ATP2C2: variants seen among roughly 807,000 people sequenced by gnomAD.
ATP2C2 encodes ATPase secretory pathway Ca2+ transporting 2.
A neutral mutation model predicts 110.8 loss-of-function variants in ATP2C2; 171 were observed. The ratio of observed to expected loss-of-function variants is 1.54; its 90% CI spans 1.36 to 1.75. The LOEUF (loss-of-function observed/expected upper bound fraction) is 1.75. ATP2C2 is among the 40% of genes most tolerant of loss of function. The pLI, the probability that ATP2C2 is intolerant of heterozygous loss-of-function variation, is 0.00. For missense variants in ATP2C2, 1,963 were observed against 1,235.0 expected (o/e 1.59, Z -8.84); for synonymous variants, 804 against 508.4 (o/e 1.58, Z -7.82).
chr16:84,369,525 C>G (rs987752622), intron 1 of ATP2C2, among the ~76,000 whole-genome samples: 1 of 151,392 alleles, frequency 6.6e-6, no homozygotes, highest in African/African-American at 2.4e-5. Context: ...TTCATTTACG[C>G]TTAAGCAGTC....
chr16:84,436,763 G>GTTTT (rs10651589), intron 11 of ATP2C2, among the ~76,000 whole-genome samples: 1,352 of 124,038 alleles, frequency 0.011, 53 homozygotes, highest in African/African-American at 0.018. Flanking sequence ...AGCGAAGGCT[G>GTTTT]TTTTTTTTTT....
At chr16:84,418,189 C>T (rs1006554195) in intron 7 of ATP2C2, among the ~76,000 whole-genome samples, 8 of 152,100 alleles carry the variant, frequency 5.3e-5, no homozygotes, top group African/African-American at 9.7e-5. Context: ...GTGGGGGCAC[C>T]GGGTGGGCAT....
At chr16:84,439,933 C>G (rs1483615919) in intron 13 of ATP2C2, among the ~76,000 whole-genome samples, 1 of 152,192 alleles carries the variant, frequency 6.6e-6, no homozygotes, top group African/African-American at 2.4e-5. Context: ...TTCTCGGGTT[C>G]AAGCGACTCT....
At chr16:84,455,873 C>G (rs2875892) in intron 21 of ATP2C2, among the ~76,000 whole-genome samples, 1,713 of 137,438 alleles carry the variant, frequency 0.012, 54 homozygotes, top group African/African-American at 0.046. Context: ...TTTTCTGCAT[C>G]TATTGAGATA....
At chr16:84,439,064 A>C (rs1597837043) in intron 11 of ATP2C2, 102 bp from the exon 12 acceptor site, 1 of 1,514,440 alleles carries the variant, frequency 6.6e-7, no homozygotes, top group Non-Finnish European at 9.0e-7. Flanking sequence ...CACTGGGGAC[A>C]CCTAAGACAA....
intron 1 of ATP2C2, among the ~76,000 whole-genome samples, chr16:84,392,503 C>T (rs1014370545): frequency 1.3e-5 from 2 of 152,248 alleles, no homozygotes; most frequent in East Asian, 1.9e-4. Flanking sequence ...GCTCTTGTTG[C>T]CCAGGCTGGA....
chr16:84,377,857 G>A (rs1329041318), intron 1 of ATP2C2, among the ~76,000 whole-genome samples: 1 of 152,148 alleles, frequency 6.6e-6, no homozygotes, highest in Non-Finnish European at 1.5e-5. Flanking sequence ...TGAGGCTGCA[G>A]CCCCTCTGGA....
rs3837762 is a variant in ATP2C2 at position 84,451,840 on chromosome 16, AAACAAC to A, written c.1661-71_1661-66del. ...GCGATAAGAACAAAACTCTCTTAAAAAACAACAACAACAACCAACAACAAAAAACGA... is the reference window on the plus strand; with the variant it reads ...GCGATAAGAACAAAACTCTCTTAAAAAACAACAACCAACAACAAAAAACGA... On this transcript the variant is annotated intron_variant, in intron 17 of 26. Coordinates refer to ENST00000262429, the MANE Select transcript of ATP2C2 (RefSeq NM_014861.4). 1.4e-4 allele frequency: 192 copies of A among 1,382,452 alleles called. 1 individual carries two copies. Among genetic ancestry groups the A allele is most frequent in the African/African-American group, 1.0e-3 (70 of 68,532 alleles). The allele number at this position is 1,382,452 out of a possible 1,614,324, so 85.6% of individuals were successfully genotyped here.
chr16:84,459,555 G>A lies in ATP2C2; in HGVS notation c.2333+169G>A, dbSNP rs752698490. 20 of 1,537,842 alleles carry A rather than the reference G, an allele frequency of 1.3e-5. 2 individuals carry two copies. The Middle Eastern group carries it at 2.3e-3, about 180-fold the overall frequency. ...TTGCACTGCAGTGAGACTGGGAGTAGAAGGCAGAGGAGAAAGTACCTGGGC... is the reference window on the plus strand; with the variant it reads ...TTGCACTGCAGTGAGACTGGGAGTAAAAGGCAGAGGAGAAAGTACCTGGGC... On this transcript the variant is annotated intron_variant, in intron 23 of 26. Coordinates refer to ENST00000262429, the MANE Select transcript of ATP2C2 (RefSeq NM_014861.4).
At chr16:84,377,932 C>A (rs941192804) in intron 1 of ATP2C2, among the ~76,000 whole-genome samples, 2 of 152,214 alleles carry the variant, frequency 1.3e-5, no homozygotes, top group Non-Finnish European at 2.9e-5. Flanking sequence ...GCCCCACTAG[C>A]TGGGCCATAT....
At chr16:84,461,231 G>C in intron 24 of ATP2C2, 4 of 255,356 alleles carry the variant, frequency 1.6e-5, no homozygotes, top group Non-Finnish European at 2.2e-5. Context: ...ATGCCAGGAC[G>C]GGCCACGATC....
rs374924150 is a variant in ATP2C2 at position 84,422,585 on chromosome 16, C to T, written c.775-44C>T. 21 of 1,611,154 alleles carry T rather than the reference C, an allele frequency of 1.3e-5. No homozygotes were observed. In the African/African-American group the frequency reaches 2.3e-4, roughly 17 times the overall value. The stretch of plus-strand genomic sequence containing the variant: ...GCCTTGGGCTCCCGTAACCCACAGG[C>T]TCCCAGCCCTTAGATTTCATACTTC... On this transcript the variant is annotated intron_variant, in intron 8 of 26. Transcript: ENST00000262429.
rs1269805976 is a variant in ATP2C2, at chr16:84,412,392, CTG to C, written c.515+1635_515+1636del. 1.1e-3 allele frequency among the ~76,000 whole-genome samples: 136 copies of C among 125,714 alleles called. 1 individual carries two copies. Among genetic ancestry groups the C allele is most frequent in the African/African-American group, 2.6e-3 (86 of 32,860 alleles). 82.5% of individuals were successfully genotyped at this position (125,714 alleles called of 152,430 possible). ...TGTGTGTGCGTGTGTGTATATGTGT[CTG>C]TGTGTGTCTGTGCATGTGTCTGTGT... is the stretch of plus-strand genomic sequence containing the variant. On this transcript the variant is annotated intron_variant, in intron 6 of 26. Transcript: ENST00000262429.
At chr16:84,413,779 C>G (rs1397643583) in intron 6 of ATP2C2, among the ~76,000 whole-genome samples, 1 of 151,978 alleles carries the variant, frequency 6.6e-6, no homozygotes, top group Non-Finnish European at 1.5e-5. Context: ...CAGGGGAAAC[C>G]CTGCTGTGCG....
intron 1 of ATP2C2, among the ~76,000 whole-genome samples, chr16:84,395,663 C>G (rs1904928446): frequency 6.6e-6 from 1 of 151,902 alleles, no homozygotes; most frequent in South Asian, 2.1e-4. Context: ...ATGCCTGCCA[C>G]CATGCCTGGC....
Position 84,432,623 on chromosome 16 carries a change from C to G in ATP2C2, c.987-6543C>G, listed in dbSNP as rs1224660126. Among the ~76,000 whole-genome samples the G allele has an allele frequency of 2.6e-5, 4 of 152,098 alleles. No individual in the cohort carries two copies. The South Asian group carries it at 8.3e-4, about 32-fold the overall frequency. On this transcript the variant is annotated intron_variant, in intron 11 of 26. Transcript: ENST00000262429. ...GCCACCTCCATCTCCTGGGTTCAAACTATTCTCCTGCCTCAGCCTCCCAAG... is the reference window on the plus strand; with the variant it reads ...GCCACCTCCATCTCCTGGGTTCAAAGTATTCTCCTGCCTCAGCCTCCCAAG...
intron 1 of ATP2C2, among the ~76,000 whole-genome samples, chr16:84,390,541 A>C (rs1222253870): frequency 6.6e-6 from 1 of 152,216 alleles, no homozygotes; most frequent in Non-Finnish European, 1.5e-5. Context: ...CAAAGGAGGC[A>C]CAGACACAGA....
Position 84,410,603 on chromosome 16 carries a change from G to A in ATP2C2, c.453G>A (p.Gln151=), listed in dbSNP as rs761823090. 5 of 1,614,120 alleles carry A rather than the reference G, an allele frequency of 3.1e-6. No homozygotes were observed. In the South Asian group the frequency reaches 4.4e-5, roughly 14 times the overall value. ...VLVVVTVAFI[Q]EYRSEKSLEE... is the part of the protein sequence containing the mutation. Reference sequence around the variant, plus strand: ...TCGTGGTCACTGTCGCCTTCATCCAGGTGAGTATTTCCTGAGGTCCCAGTC... The same window carrying A: ...TCGTGGTCACTGTCGCCTTCATCCAAGTGAGTATTTCCTGAGGTCCCAGTC... Residue 151 remains glutamine (Q), a splice_region_variant and synonymous_variant, in exon 5 of 27, where the codon CAG becomes CAA. Transcript: ENST00000262429.
At position 84,463,636 on chromosome 16, in the gene ATP2C2, G is replaced by C; in HGVS notation, c.2745G>C (p.Leu915Phe). 6.2e-7 allele frequency: 1 copy of C among 1,614,086 alleles called. No individual in the cohort carries two copies. Among genetic ancestry groups the C allele is most frequent in the Non-Finnish European group, 8.5e-7 (1 of 1,179,950 alleles). ...GALDLLFLTG[L>F]ASSVFILSEL... is the part of the protein sequence containing the mutation. ...CAGATTTGCTGTTTTTAACTGGATT[G>C]GCCTCATCCGTCTTCATTTTGTCAG... Residue 915 changes from leucine to phenylalanine, a missense_variant, in exon 27 of 27, where the codon TTG (leucine) becomes TTC (phenylalanine). By Grantham distance (22) the Leu-to-Phe change is conservative (BLOSUM62 0). Transcript: ENST00000262429.
Sources: gnomAD v4.1 joint callset for allele counts (sites outside exome capture counted in the v4.1 genomes callset) on GRCh38, gnomAD v4.1.1 for gene constraint, MANE v1.5 for transcripts, NCBI Gene and HGNC (gene_info 2026-07-23, HGNC 2026-07-21) for gene names.